The following LATS2 variants were observed in gnomAD, a reference collection of about 807,000 sequenced individuals.
The protein encoded by LATS2 is serine/threonine-protein kinase LATS2.
LATS2 carries 24 observed loss-of-function variants against 76.0 expected under a neutral mutation model. That is an observed-to-expected ratio of 0.32 (90% CI 0.23 to 0.44). The LOEUF is 0.44. Among genes scored for constraint, LATS2 ranks in the 20% least tolerant of loss-of-function variants. LATS2 has a pLI of 1.00. For missense variants in LATS2, 1,286 were observed against 1,481.2 expected (o/e 0.87, Z 2.16); for synonymous variants, 692 against 635.4 (o/e 1.09, Z -1.34).
intron 1 of LATS2, among the ~76,000 whole-genome samples, chr13:21,047,591 A>G (rs1236676593): frequency 1.3e-5 from 2 of 152,200 alleles, no homozygotes; most frequent in Non-Finnish European, 2.9e-5. Flanking sequence ...AACTGATCCA[A>G]AAAGAGTACC....
At chr13:21,045,516 TC>T (rs1254644086) in intron 2 of LATS2, among the ~76,000 whole-genome samples, 168 bp downstream of exon 2, 1 of 152,232 alleles carries the variant, frequency 6.6e-6, no homozygotes, top group Non-Finnish European at 1.5e-5. Context: ...TAGAGAACCT[TC>T]AATTGTGAGT....
At chr13:21,015,352 C>T (rs375208842) in intron 2 of LATS2, among the ~76,000 whole-genome samples, 12 of 152,260 alleles carry the variant, frequency 7.9e-5, no homozygotes, top group Admixed American at 6.5e-5. Flanking sequence ...TGCAGACACA[C>T]GAAGGACCAG....
At position 20,975,326 on chromosome 13, in the gene LATS2, C is replaced by A; in HGVS notation, c.2811G>T (p.Gln937His). ...NWENTLHIPAQVKLSPEARDL... is the reference protein window; with the variant it reads ...NWENTLHIPAHVKLSPEARDL... ...CCCTGGCCTCAGGGCTCAGCTTCAC[C>A]TGGGCTGGAATGTGGAGCGTGTTCT... The change falls in exon 8 of 8, where the codon CAG becomes CAT. Residue 937 changes from glutamine (Q) to histidine (H), a missense_variant. Gln to His is a conservative substitution (Grantham distance 24). Around this residue, in one of 5 missense-constraint regions of LATS2, gnomAD observed 210 missense variants for 234.9 expected, o/e 0.89. Transcript: ENST00000382592. 6.3e-7 allele frequency: 1 copy of A among 1,597,688 alleles called. No individual in the cohort carries two copies. The highest frequency in any genetic ancestry group is 8.5e-7 in the Non-Finnish European group (1 of 1,171,672).
intron 1 of LATS2, among the ~76,000 whole-genome samples, chr13:21,049,847 A>C (rs540386530): frequency 6.6e-6 from 1 of 152,232 alleles, no homozygotes; most frequent in South Asian, 2.1e-4. Flanking sequence ...CTGGCCGGGC[A>C]CTGTGGCTCA....
chr13:20,978,207 G>A (rs1486973755), intron 7 of LATS2, among the ~76,000 whole-genome samples: 2 of 151,978 alleles, frequency 1.3e-5, no homozygotes, highest in African/African-American at 2.4e-5. Context: ...GATCCACCAC[G>A]CCCAACCTTA....
intron 2 of LATS2, among the ~76,000 whole-genome samples, chr13:21,022,722 A>ATGT (rs1461558065): frequency 1.3e-5 from 2 of 152,212 alleles, no homozygotes; most frequent in Non-Finnish European, 2.9e-5. Flanking sequence ...AAGCAAACAC[A>ATGT]CACAAGGCCA....
intron 2 of LATS2, among the ~76,000 whole-genome samples, chr13:21,007,024 A>G (rs926000059): frequency 5.3e-5 from 8 of 152,208 alleles, no homozygotes; most frequent in Admixed American, 5.2e-4. Context: ...CTACTTTCAC[A>G]AAGTGCCCTC....
rs1285068169 is a variant in LATS2 at position 21,023,669 on chromosome 13, AAAAAAAAAAAAAAAC to A, written c.342+22001_342+22015del. On this transcript the variant is annotated intron_variant, in intron 2 of 7. Transcript: ENST00000382592. ...TTTAAAAAAAAAAAAAAAAAAAAAA[AAAAAAAAAAAAAAAC>A]AAACCTCGGCCGGGCGCAGTGGCTG... 7.3e-4 allele frequency among the ~76,000 whole-genome samples: 26 copies of A among 35,762 alleles called. 2 individuals carry two copies. In the South Asian group the frequency reaches 0.012, roughly 16 times the overall value. 23.5% of individuals were successfully genotyped at this position (35,762 alleles called of 152,430 possible). A position where few individuals can be genotyped will look rare whatever the true frequency, so the allele number is the denominator to read the frequency against.
rs1873447706 is a variant in LATS2, at chr13:21,056,264, CCTGGACTCAAGT to C, written c.-205+5070_-205+5081del. The stretch of plus-strand genomic sequence containing the variant: ...ATGTCACCCAAGCTCGTCTCGAATT[CCTGGACTCAAGT>C]GATCCCCCCGCCTCGGCCTCCCAAA... On this transcript the variant is annotated intron_variant, in intron 1 of 7. Coordinates refer to ENST00000382592, the MANE Select transcript of LATS2 (RefSeq NM_014572.3). Among the ~76,000 whole-genome samples the C allele has an allele frequency of 3.9e-5, 6 of 152,050 alleles. No homozygotes were observed. In the South Asian group the frequency reaches 1.2e-3, roughly 32 times the overall value.
rs371627985 is a variant in LATS2 at position 21,030,149 on chromosome 13, ACC to A, written c.342+15534_342+15535del. On this transcript the variant is annotated intron_variant, in intron 2 of 7. Coordinates refer to ENST00000382592, the MANE Select transcript of LATS2 (RefSeq NM_014572.3). ...AAAAAAAAAAGGAAAAAAGAAATCC[ACC>A]CCCATGGTCTAATCATCTCCCACCA... 3.6e-3 allele frequency among the ~76,000 whole-genome samples: 538 copies of A among 151,070 alleles called. 2 individuals carry two copies. The highest frequency in any genetic ancestry group is 0.013 in the African/African-American group (524 of 41,176).
chr13:21,006,508 A>G (rs533160459), intron 2 of LATS2, among the ~76,000 whole-genome samples: 1 of 152,358 alleles, frequency 6.6e-6, no homozygotes, highest in South Asian at 2.1e-4. Context: ...CCAAAAAATA[A>G]GCCAGATCAT....
At chr13:21,020,310 A>C (rs1872005133) in intron 2 of LATS2, among the ~76,000 whole-genome samples, 1 of 152,152 alleles carries the variant, frequency 6.6e-6, no homozygotes, top group Non-Finnish European at 1.5e-5. Context: ...TTGCACGAAC[A>C]ATTCTATTAT....
At position 20,991,553 on chromosome 13, in the gene LATS2, A is replaced by G; in HGVS notation, c.343-149T>C. The G allele has an allele frequency of 5.6e-6, 5 of 889,192 alleles. No homozygotes were observed. Among genetic ancestry groups the G allele is most frequent in the Non-Finnish European group, 8.5e-6 (5 of 586,246 alleles). The allele number at this position is 889,192 out of a possible 1,614,324, so 55.1% of individuals were successfully genotyped here. A position where few individuals can be genotyped will look rare whatever the true frequency, so the allele number is the denominator to read the frequency against. ...CGATATGCTGCAGGAGACCCTCAGA[A>G]TGAGTGCAGGTGGCTGTGTGCCCTG... On this transcript the variant is annotated intron_variant, in intron 2 of 7. Transcript: ENST00000382592. The surrounding 1 kb of genome is among the most constrained non-coding windows in gnomAD (Gnocchi z 4.9).
intron 2 of LATS2, among the ~76,000 whole-genome samples, chr13:21,042,684 TAAAC>T (rs1331069209): frequency 2.6e-5 from 4 of 151,866 alleles, no homozygotes; most frequent in African/African-American, 9.7e-5. Flanking sequence ...AAAACCCTCT[TAAAC>T]AGACAAAACA....
Position 20,999,757 on chromosome 13 carries a change from C to T in LATS2, c.343-8353G>A, listed in dbSNP as rs570140179. ...ACAGACATGAGCTAGGGTGCCTGGC[C>T]TTAAATTTGTTATAAAATAAAATGA... is the stretch of plus-strand genomic sequence containing the variant. On this transcript the variant is annotated intron_variant, in intron 2 of 7. Transcript: ENST00000382592. Among the ~76,000 whole-genome samples, 579 of 151,450 alleles carry T rather than the reference C, an allele frequency of 3.8e-3. 2 individuals carry two copies. The highest frequency in any genetic ancestry group is 7.1e-3 in the Admixed American group (108 of 15,164).
Position 20,989,321 on chromosome 13 carries a change from A to G in LATS2, c.476-17T>C. ...GCCCCTTTCCTGCAGTGGAAAAAAC[A>G]GGAAGACAGCATCAGAGTGGGTGTG... On this transcript the variant is annotated splice_polypyrimidine_tract_variant and intron_variant, in intron 3 of 7. Coordinates refer to ENST00000382592, the MANE Select transcript of LATS2 (RefSeq NM_014572.3). The G allele has an allele frequency of 6.2e-7, 1 of 1,613,104 alleles. No individual in the cohort carries two copies. The highest frequency in any genetic ancestry group is 8.5e-7 in the Non-Finnish European group (1 of 1,179,780).
At chr13:21,047,222 C>T (rs17061833) in intron 1 of LATS2, among the ~76,000 whole-genome samples, 1,795 of 152,302 alleles carry the variant, frequency 0.012, 28 homozygotes, top group African/African-American at 0.041. Flanking sequence ...TCACTTGTCA[C>T]AAGGCTGGGT....
At chr13:21,004,434 CAA>C (rs11423103) in intron 2 of LATS2, among the ~76,000 whole-genome samples, 22 of 108,406 alleles carry the variant, frequency 2.0e-4, no homozygotes, top group Non-Finnish European at 2.9e-4. Context: ...AACACTGTCT[CAA>C]AAAAAAAAAA....
At chr13:21,027,141 A>G (rs1032797696) in intron 2 of LATS2, among the ~76,000 whole-genome samples, 4 of 152,182 alleles carry the variant, frequency 2.6e-5, no homozygotes, top group Non-Finnish European at 4.4e-5. Flanking sequence ...TGTATCAGTA[A>G]TATTTTTTCT....
Sources: allele counts gnomAD v4.1 joint callset (sites outside exome capture counted in the v4.1 genomes callset), GRCh38; gene constraint gnomAD v4.1.1; regional missense constraint gnomAD v4.1.1; non-coding constraint Gnocchi (gnomAD v3.1); transcripts MANE v1.5; gene names NCBI Gene and HGNC (gene_info 2026-07-23, HGNC 2026-07-21).